Variants in RHD observed in about 807,000 individuals in gnomAD.
The protein encoded by RHD is blood group Rh(D) polypeptide.
Under a neutral mutation model 45.5 loss-of-function variants are expected in RHD, and 16 were observed. The observed-to-expected ratio is 0.35, with a 90% CI of 0.24 to 0.53. The LOEUF (loss-of-function observed/expected upper bound fraction) is 0.53, where lower values mean the gene tolerates loss of function less well. RHD is among the 20% of genes least tolerant of loss of function. The pLI is 0.92. For synonymous variants in RHD, 131 were observed against 217.5 expected (o/e 0.60, Z 3.50); for missense variants, 306 against 532.0 (o/e 0.58, Z 4.18).
chr1:25,312,952 A>AAAAC (rs1644242628), intron 7 of RHD, among the ~76,000 whole-genome samples: 1 of 110,976 alleles, frequency 9.0e-6, no homozygotes, highest in Non-Finnish European at 2.1e-5. Flanking sequence ...AAAAAAAAAA[A>AAAAC]AAACTTTAGT....
At chr1:25,295,622 G>A (rs1486356090) in intron 3 of RHD, among the ~76,000 whole-genome samples, 1 of 105,876 alleles carries the variant, frequency 9.4e-6, no homozygotes, top group African/African-American at 3.2e-5. Context: ...GGAAAGAGAC[G>A]AGCGGTCAAG....
chr1:25,319,162 T>C (rs1644567150), intron 8 of RHD, among the ~76,000 whole-genome samples: 1 of 129,692 alleles, frequency 7.7e-6, no homozygotes, highest in Non-Finnish European at 1.9e-5. Context: ...ATGTTCAAAG[T>C]GGTGCTGACT....
intron 1 of RHD, among the ~76,000 whole-genome samples, chr1:25,274,436 T>C (rs1640760283): frequency 7.6e-6 from 1 of 132,218 alleles, no homozygotes. Context: ...GGGTCCATGT[T>C]CTTTACCCCT....
In RHD at chr1:25,295,861, T is replaced by G. The variant is rs1350718821; in HGVS notation, c.486+5070T>G. On this transcript the variant is annotated intron_variant, in intron 3 of 9. Coordinates refer to ENST00000328664, the MANE Select transcript of RHD (RefSeq NM_016124.6). ...AGGGAATATGGGAAATTTTTTTTTT[T>G]TTTTTTTTTTTTTTTTTTGAGATGG... 1.2e-4 allele frequency among the ~76,000 whole-genome samples: 12 copies of G among 102,838 alleles called. 3 individuals carry two copies. The highest frequency in any genetic ancestry group is 2.9e-4 in the South Asian group (1 of 3,430). The allele number at this position is 102,838 out of a possible 152,430, so 67.5% of individuals were successfully genotyped here.
At chr1:25,322,108 C>T in intron 9 of RHD, 146 bp downstream of exon 9, 1 of 488,652 alleles carries the variant, frequency 2.0e-6, no homozygotes, top group Non-Finnish European at 4.3e-6. Flanking sequence ...AGAGGAGAAA[C>T]AAATCCATGA....
In RHD at chr1:25,314,566, C is replaced by T. The variant is rs555391208; in HGVS notation, c.1074-2434C>T. Among the ~76,000 whole-genome samples, 5 of 132,822 alleles carry T rather than the reference C, an allele frequency of 3.8e-5. 1 individual carries two copies. The highest frequency in any genetic ancestry group is 4.6e-4 in the South Asian group (2 of 4,332). The allele number at this position is 132,822 out of a possible 152,430, so 87.1% of individuals were successfully genotyped here. On this transcript the variant is annotated intron_variant, in intron 7 of 9. Coordinates refer to ENST00000328664, the MANE Select transcript of RHD (RefSeq NM_016124.6). ...TGGAATGCAGTGGCGCTATCTCAGC[C>T]CACTACAACCTCTGCCTCCCAGCTT...
rs1286188533 is a variant in RHD, at chr1:25,308,350, C to T, written c.1073+1621C>T. The stretch of plus-strand genomic sequence containing the variant: ...GCAAGCCCTACCTACGGCCCCACCC[C>T]AGACCTACCCAGTTAGAAATCTGGG... On this transcript the variant is annotated intron_variant, in intron 7 of 9. Coordinates refer to ENST00000328664, the MANE Select transcript of RHD (RefSeq NM_016124.6). Among the ~76,000 whole-genome samples the T allele has an allele frequency of 1.8e-5, 2 of 112,944 alleles. 1 individual carries two copies. The highest frequency in any genetic ancestry group is 4.2e-5 in the Non-Finnish European group (2 of 48,080). 74.1% of individuals were successfully genotyped at this position (112,944 alleles called of 152,430 possible). A position where few individuals can be genotyped will look rare whatever the true frequency, so the allele number is the denominator to read the frequency against.
At position 25,278,133 on chromosome 1, in the gene RHD, G is replaced by A. The variant is rs570624617; in HGVS notation, c.148+5438G>A. Among the ~76,000 whole-genome samples, 2 of 129,876 alleles carry A rather than the reference G, an allele frequency of 1.5e-5. 1 individual carries two copies. Among genetic ancestry groups the A allele is most frequent in the South Asian group, 4.8e-4 (2 of 4,192 alleles). 85.2% of individuals were successfully genotyped at this position (129,876 alleles called of 152,430 possible). On this transcript the variant is annotated intron_variant, in intron 1 of 9. Coordinates refer to ENST00000328664, the MANE Select transcript of RHD (RefSeq NM_016124.6). ...GATGACCTGTGATGAGACCAGATGG[G>A]CAGGGGCAGTGGAGGAGATTCTAGA... is the stretch of plus-strand genomic sequence containing the variant.
chr1:25,272,692 C>G lies in RHD; in HGVS notation c.145C>G (p.Gln49Glu), dbSNP rs1311889374. Residue 49 changes from glutamine (Q) to glutamate (E), a missense_variant, in exon 1 of 10, where the codon CAA becomes GAA. Transcript: ENST00000328664. ...EDQKGLVASY[Q>E]VGQDLTVMAA... ...TCAAAAGGGGCTCGTGGCATCCTAT[C>G]AAGGTGAGAGTTCATTGGAAAAGTG... 6.7e-7 allele frequency: 1 copy of G among 1,496,220 alleles called. No individual in the cohort carries two copies. The highest frequency in any genetic ancestry group is 9.2e-7 in the Non-Finnish European group (1 of 1,082,210). 92.7% of individuals were successfully genotyped at this position (1,496,220 alleles called of 1,614,324 possible).
At chr1:25,318,155 C>G (rs1277275631) in intron 8 of RHD, 1 of 130,244 alleles carries the variant, frequency 7.7e-6, no homozygotes, top group African/African-American at 2.6e-5. Flanking sequence ...AACCCCATCT[C>G]TACTAAAAAT....
Position 25,290,671 on chromosome 1 carries a change from G to C in RHD, c.366G>C (p.Ser122=). ...GGCTGGCCACCATGAGTGCTTTGTCGGTGCTGATCTCAGTGGATGCTGTCT... is the reference window on the plus strand; with the variant it reads ...GGCTGGCCACCATGAGTGCTTTGTCCGTGCTGATCTCAGTGGATGCTGTCT... The part of the protein sequence containing the change: ...SIRLATMSAL[S]VLISVDAVLG... Residue 122 remains serine, a synonymous_variant, in exon 3 of 10, where the codon TCG becomes TCC. Transcript: ENST00000328664. 1 of 1,378,290 alleles carries C rather than the reference G, an allele frequency of 7.3e-7. No homozygotes were observed. The highest frequency in any genetic ancestry group is 1.2e-5 in the South Asian group (1 of 84,714). The allele number at this position is 1,378,290 out of a possible 1,614,324, so 85.4% of individuals were successfully genotyped here. A position where few individuals can be genotyped will look rare whatever the true frequency, so the allele number is the denominator to read the frequency against.
At position 25,303,541 on chromosome 1, in the gene RHD, C is replaced by T; in HGVS notation, c.939+82C>T. ...GGACCTGATGGGCCACTGTGCAGTG[C>T]ACAGCTGCATTAGGCAGGTGTCGGC... is the stretch of plus-strand genomic sequence containing the variant. On this transcript the variant is annotated intron_variant, in intron 6 of 9. Coordinates refer to ENST00000328664, the MANE Select transcript of RHD (RefSeq NM_016124.6). 9 of 1,243,134 alleles carry T rather than the reference C, an allele frequency of 7.2e-6. 1 individual carries two copies. Among genetic ancestry groups the T allele is most frequent in the Non-Finnish European group, 1.0e-5 (9 of 858,562 alleles). The allele number at this position is 1,243,134 out of a possible 1,614,324, so 77.0% of individuals were successfully genotyped here.
chr1:25,292,953 G>A (rs28645510), intron 3 of RHD, among the ~76,000 whole-genome samples: 68,208 of 119,298 alleles, frequency 0.57, 27,270 homozygotes, highest in South Asian at 0.86. Context: ...CCAGGAGAGC[G>A]TGAGGTCCTG....
At position 25,290,984 on chromosome 1, in the gene RHD, A is replaced by G. The variant is rs1357056679; in HGVS notation, c.486+193A>G. ...CATAGCAAGATCCTCATCTCTAAAA[A>G]GTAATTTTTTCTAAATTATCCAGTT... On this transcript the variant is annotated intron_variant, in intron 3 of 9. Coordinates refer to ENST00000328664, the MANE Select transcript of RHD (RefSeq NM_016124.6). 1.5e-5 allele frequency among the ~76,000 whole-genome samples: 2 copies of G among 131,240 alleles called. 1 individual carries two copies. The highest frequency in any genetic ancestry group is 3.6e-5 in the Non-Finnish European group (2 of 55,458). The allele number at this position is 131,240 out of a possible 152,430, so 86.1% of individuals were successfully genotyped here.
intron 8 of RHD, among the ~76,000 whole-genome samples, chr1:25,318,703 C>G (rs1410373384): frequency 7.5e-6 from 1 of 132,682 alleles, no homozygotes; most frequent in African/African-American, 2.6e-5. Context: ...AGGTGAATGC[C>G]AAATAAGAGA....
chr1:25,298,276 G>A (rs1055255935), intron 3 of RHD, among the ~76,000 whole-genome samples: 6 of 113,848 alleles, frequency 5.3e-5, no homozygotes, highest in African/African-American at 1.4e-4. Flanking sequence ...CTGTGAGCCC[G>A]AACCTCTTCC....
In RHD at chr1:25,302,635, G is replaced by A. The variant is rs868430834; in HGVS notation, c.802-687G>A. On this transcript the variant is annotated intron_variant, in intron 5 of 9. Transcript: ENST00000328664. ...GCAGTGAAGGACATAGCAGAGCTAT[G>A]ACCCAGGAACAAGGCCCAGCTTATT... Among the ~76,000 whole-genome samples the A allele has an allele frequency of 3.5e-4, 45 of 129,920 alleles. 11 individuals are homozygous for A. The highest frequency in any genetic ancestry group is 5.3e-4 in the African/African-American group (20 of 37,624). 85.2% of individuals were successfully genotyped at this position (129,920 alleles called of 152,430 possible).
Position 25,306,640 on chromosome 1 carries a change from G to C in RHD, c.984G>C (p.Met328Ile). The C allele has an allele frequency of 1.5e-6, 2 of 1,378,368 alleles. 1 individual carries two copies. The highest frequency in any genetic ancestry group is 2.0e-6 in the Non-Finnish European group (2 of 978,808). The allele number at this position is 1,378,368 out of a possible 1,614,324, so 85.4% of individuals were successfully genotyped here. A position where few individuals can be genotyped will look rare whatever the true frequency, so the allele number is the denominator to read the frequency against. Residue 328 changes from methionine to isoleucine, a missense_variant, in exon 7 of 10, where the codon ATG becomes ATC. Physicochemically the swap from Met to Ile is conservative, Grantham distance 10. Transcript: ENST00000328664. The part of the protein sequence containing the change: ...RVLGIPHSSI[M>I]GYNFSLLGLL... Reference sequence around the variant, plus strand: ...TGGGGATTCCCCACAGCTCCATCATGGGCTACAACTTCAGCTTGCTGGGTC... The same window carrying C: ...TGGGGATTCCCCACAGCTCCATCATCGGCTACAACTTCAGCTTGCTGGGTC...
At chr1:25,281,267 A>G (rs657260) in intron 1 of RHD, among the ~76,000 whole-genome samples, 9,306 of 126,680 alleles carry the variant, frequency 0.073, 1,746 homozygotes, top group African/African-American at 0.26. Flanking sequence ...CAAGTTGTGG[A>G]GCTTTCATAA....
Sources: allele counts gnomAD v4.1 joint callset (sites outside exome capture counted in the v4.1 genomes callset), GRCh38; gene constraint gnomAD v4.1.1; transcripts MANE v1.5; gene names NCBI Gene and HGNC (gene_info 2026-07-23, HGNC 2026-07-21).